ANKS1B: variants seen among roughly 807,000 people sequenced by gnomAD.
The protein encoded by ANKS1B is ankyrin repeat and sterile alpha motif domain-containing protein 1B.
ANKS1B carries 36 observed loss-of-function variants against 148.3 expected under a neutral mutation model. The observed-to-expected ratio is 0.24, with a 90% confidence interval of 0.19 to 0.32. The LOEUF is 0.32. Ranked by LOEUF, ANKS1B falls within the 10% of genes least tolerant of loss-of-function variation. The probability of loss-of-function intolerance (pLI) is 1.00; values close to 1 mark genes in which losing one functional copy is unlikely to be tolerated. For missense variants in ANKS1B, 1,157 were observed against 1,542.6 expected (o/e 0.75, Z 4.19); for synonymous variants, 542 against 560.8 (o/e 0.97, Z 0.47).
intron 1 of ANKS1B, among the ~76,000 whole-genome samples, chr12:99,902,946 T>C (rs980225634): frequency 2.0e-5 from 3 of 151,968 alleles, no homozygotes; most frequent in Admixed American, 6.6e-5. Flanking sequence ...CTGTTGTTGT[T>C]TTTAGAGACA....
intron 17 of ANKS1B, among the ~76,000 whole-genome samples, chr12:98,861,000 G>A (rs952833332): frequency 6.6e-6 from 1 of 152,202 alleles, no homozygotes; most frequent in East Asian, 1.9e-4. Context: ...AATGGGAAGA[G>A]AGTGGTTTTA....
intron 1 of ANKS1B, among the ~76,000 whole-genome samples, chr12:99,912,846 A>G (rs1049231026): frequency 6.6e-6 from 1 of 152,194 alleles, no homozygotes; most frequent in Non-Finnish European, 1.5e-5. Flanking sequence ...ATAGAAGTAG[A>G]GTACTAAACA....
intron 12 of ANKS1B, among the ~76,000 whole-genome samples, chr12:99,351,509 A>T (rs938976948): frequency 2.6e-5 from 4 of 152,028 alleles, no homozygotes; most frequent in Admixed American, 2.6e-4. Context: ...TTTTAAAATA[A>T]GACAGACCTG....
chr12:99,118,344 T>TAAA lies in ANKS1B; in HGVS notation c.2527-33324_2527-33322dup, dbSNP rs538324566. The stretch of plus-strand genomic sequence containing the variant: ...AAGAATATAAATGACTTTATAAAAC[T>TAAA]AAAAAGTTTTAAATTTTCTTCTGTA... On this transcript the variant is annotated intron_variant, in intron 15 of 26. Coordinates refer to ENST00000683438, the MANE Select transcript of ANKS1B (RefSeq NM_001352186.2). 1.5e-3 allele frequency among the ~76,000 whole-genome samples: 227 copies of TAAA among 152,318 alleles called. 1 individual carries two copies. The highest frequency in any genetic ancestry group is 5.3e-3 in the African/African-American group (221 of 41,564).
At chr12:98,840,368 A>G (rs1278558761) in intron 17 of ANKS1B, among the ~76,000 whole-genome samples, 2 of 152,296 alleles carry the variant, frequency 1.3e-5, no homozygotes, top group Non-Finnish European at 2.9e-5. Context: ...ACCAACTGCT[A>G]CTAAATAATC....
chr12:99,225,848 C>T (rs1244441470), intron 14 of ANKS1B, among the ~76,000 whole-genome samples: 3 of 152,272 alleles, frequency 2.0e-5, no homozygotes, highest in South Asian at 2.1e-4. Flanking sequence ...AGCTTGCAGA[C>T]AGCATATTGT....
intron 22 of ANKS1B, chr12:98,794,727 A>G: frequency 1.0e-6 from 1 of 970,012 alleles, no homozygotes; most frequent in South Asian, 1.3e-5. Flanking sequence ...CCTATCAAAT[A>G]CCAGTGAGAG....
At chr12:99,337,454 C>T (rs763156324) in intron 12 of ANKS1B, among the ~76,000 whole-genome samples, 1 of 152,058 alleles carries the variant, frequency 6.6e-6, no homozygotes, top group Non-Finnish European at 1.5e-5. Flanking sequence ...TTGGAATTCT[C>T]TGTCTGAAAG....
At chr12:98,967,377 C>A (rs1226004382) in intron 17 of ANKS1B, among the ~76,000 whole-genome samples, 3 of 151,988 alleles carry the variant, frequency 2.0e-5, no homozygotes, top group African/African-American at 4.8e-5. Flanking sequence ...GGGAAAAGAC[C>A]TCCACTATCT....
At chr12:99,731,365 C>A (rs111422804) in intron 8 of ANKS1B, among the ~76,000 whole-genome samples, 1 of 151,516 alleles carries the variant, frequency 6.6e-6, no homozygotes, top group Non-Finnish European at 1.5e-5. Context: ...ATGATCCACT[C>A]GCCTCTGCCT....
chr12:99,221,243 G>C (rs1017526963), intron 14 of ANKS1B, among the ~76,000 whole-genome samples: 31 of 152,146 alleles, frequency 2.0e-4, no homozygotes, highest in Admixed American at 1.8e-3. Flanking sequence ...GGGAGGCTGA[G>C]GCAGGAGAAT....
At chr12:99,077,247 G>T (rs544475423) in intron 16 of ANKS1B, among the ~76,000 whole-genome samples, 1 of 152,164 alleles carries the variant, frequency 6.6e-6, no homozygotes, top group Non-Finnish European at 1.5e-5. Context: ...AACAGTGCAC[G>T]TATGTGGGTG....
At chr12:99,286,996 C>G (rs2079215334) in intron 12 of ANKS1B, among the ~76,000 whole-genome samples, 1 of 152,164 alleles carries the variant, frequency 6.6e-6, no homozygotes, top group African/African-American at 2.4e-5. Flanking sequence ...AAGGGAAGGG[C>G]ATAAACCTGG....
At chr12:99,788,119 G>T (rs528709820) in intron 4 of ANKS1B, among the ~76,000 whole-genome samples, 1 of 152,192 alleles carries the variant, frequency 6.6e-6, no homozygotes, top group African/African-American at 2.4e-5. Flanking sequence ...CAAGATTGGC[G>T]CATGACCTAG....
At chr12:98,857,948 G>C (rs1420081797) in intron 17 of ANKS1B, among the ~76,000 whole-genome samples, 1 of 152,162 alleles carries the variant, frequency 6.6e-6, no homozygotes, top group Non-Finnish European at 1.5e-5. Flanking sequence ...CTATGGTGTA[G>C]TCTTATCTTT....
chr12:99,263,294 G>A (rs907019749), intron 12 of ANKS1B, among the ~76,000 whole-genome samples: 15 of 151,922 alleles, frequency 9.9e-5, no homozygotes, highest in Admixed American at 3.3e-4. Flanking sequence ...CCCACGCCCC[G>A]TTTTCCAATT....
intron 14 of ANKS1B, among the ~76,000 whole-genome samples, chr12:99,208,707 T>C (rs2082969371): frequency 6.6e-6 from 1 of 152,144 alleles, no homozygotes; most frequent in Non-Finnish European, 1.5e-5. Flanking sequence ...CCAACCAAGA[T>C]CAAGCAGAGC....
At chr12:99,608,432 A>T (rs78403693) in intron 9 of ANKS1B, among the ~76,000 whole-genome samples, 1 of 152,112 alleles carries the variant, frequency 6.6e-6, no homozygotes, top group Non-Finnish European at 1.5e-5. Context: ...AAGATATAAT[A>T]CCTGTGAATT....
At chr12:99,917,888 G>T (rs1178366808) in intron 1 of ANKS1B, among the ~76,000 whole-genome samples, 2 of 152,246 alleles carry the variant, frequency 1.3e-5, no homozygotes, top group Non-Finnish European at 2.9e-5. Context: ...ACAGCAGGAG[G>T]TGAGCAGCAA....
Sources: gnomAD v4.1 joint callset for allele counts (sites outside exome capture counted in the v4.1 genomes callset) on GRCh38, gnomAD v4.1.1 for gene constraint, MANE v1.5 for transcripts, NCBI Gene and HGNC (gene_info 2026-07-23, HGNC 2026-07-21) for gene names.